The following TPD52 variants were observed in gnomAD, a reference collection of about 807,000 sequenced individuals.
The protein encoded by TPD52 is tumor protein D52, also known as prostate and colon associated protein.
Under a neutral mutation model 31.3 loss-of-function variants are expected in TPD52, and 17 were observed. The observed-to-expected ratio is 0.54, with a 90% confidence interval of 0.37 to 0.82. TPD52 has a LOEUF of 0.82. Ranked by LOEUF, TPD52 falls within the 40% of genes least tolerant of loss-of-function variation. The pLI is 0.00. For missense variants in TPD52, 212 were observed against 240.1 expected (o/e 0.88, Z 0.77); for synonymous variants, 83 against 89.6 (o/e 0.93, Z 0.42).
At chr8:80,138,612 A>G (rs1809605706) in intron 1 of TPD52, among the ~76,000 whole-genome samples, 1 of 152,214 alleles carries the variant, frequency 6.6e-6, no homozygotes, top group Non-Finnish European at 1.5e-5. Context: ...GAATCCAAAA[A>G]GGTAGCTGAA....
At chr8:80,051,458 C>A (rs1357718384) in intron 4 of TPD52, 69 bp downstream of exon 4, 4 of 1,457,850 alleles carry the variant, frequency 2.7e-6, no homozygotes, top group Non-Finnish European at 3.8e-6. Flanking sequence ...GGTCAGGAAA[C>A]AGATGCAACA....
At chr8:80,163,530 A>C (rs1765522181) in intron 1 of TPD52, among the ~76,000 whole-genome samples, 1 of 152,212 alleles carries the variant, frequency 6.6e-6, no homozygotes, top group South Asian at 2.1e-4. Flanking sequence ...AAAATGAAAA[A>C]GTTTCAGAGA....
rs138910578 is a variant in TPD52 at position 80,051,312 on chromosome 8, C to A, written c.386+215G>T. 1.5e-4 allele frequency: 83 copies of A among 554,576 alleles called. No homozygotes were observed. The African/African-American group carries it at 1.5e-3, about 10-fold the overall frequency. 34.4% of individuals were successfully genotyped at this position (554,576 alleles called of 1,614,324 possible). On this transcript the variant is annotated intron_variant, in intron 4 of 7. Transcript: ENST00000518937. ...GTTCACAACCAGAATTTTTCAACAACCTTAAATGATCATCAGATGATCATT... is the reference window on the plus strand; with the variant it reads ...GTTCACAACCAGAATTTTTCAACAAACTTAAATGATCATCAGATGATCATT...
chr8:80,130,381 G>C (rs764409376), intron 1 of TPD52, among the ~76,000 whole-genome samples: 1 of 152,114 alleles, frequency 6.6e-6, no homozygotes, highest in Non-Finnish European at 1.5e-5. Context: ...ATTGCTCTTA[G>C]GACCACGTTT....
chr8:80,040,185 CTTTTTTT>C (rs34611433), intron 7 of TPD52, among the ~76,000 whole-genome samples: 3 of 95,686 alleles, frequency 3.1e-5, no homozygotes, highest in Non-Finnish European at 6.1e-5. Context: ...ATACGCTATC[CTTTTTTT>C]TTTTTTTTTT....
intron 1 of TPD52, among the ~76,000 whole-genome samples, chr8:80,165,873 C>T (rs186131788): frequency 7.0e-4 from 91 of 130,266 alleles, no homozygotes; most frequent in Non-Finnish European, 1.2e-3. Context: ...CTAGGCCTCG[C>T]CAGAAACCCT....
chr8:80,061,696 T>A (rs556375579), intron 2 of TPD52, among the ~76,000 whole-genome samples: 24 of 152,208 alleles, frequency 1.6e-4, no homozygotes, highest in African/African-American at 2.6e-4. Context: ...AAAATTTTTT[T>A]AAATATATTT....
intron 1 of TPD52, among the ~76,000 whole-genome samples, chr8:80,120,724 G>C (rs1057390080): frequency 6.6e-6 from 1 of 152,110 alleles, no homozygotes; most frequent in Admixed American, 6.5e-5. Context: ...TTCACACTAA[G>C]AAGGCTTTCT....
chr8:80,129,675 G>A (rs529577734), intron 1 of TPD52, among the ~76,000 whole-genome samples: 11 of 150,492 alleles, frequency 7.3e-5, no homozygotes, highest in African/African-American at 2.0e-4. Flanking sequence ...ATCCTCCCCC[G>A]ACTTCTCTCA....
intron 1 of TPD52, among the ~76,000 whole-genome samples, chr8:80,169,013 C>G (rs1417868134): frequency 6.6e-6 from 1 of 152,200 alleles, no homozygotes; most frequent in Non-Finnish European, 1.5e-5. Flanking sequence ...GAGATAGAGT[C>G]TCGCTCTGTC....
intron 1 of TPD52, chr8:80,064,850 A>C (rs1812949815): frequency 3.2e-6 from 2 of 615,426 alleles, no homozygotes; most frequent in Non-Finnish European, 6.1e-6. Flanking sequence ...TCATAGTCTC[A>C]GTCACAATAT....
At chr8:80,058,433 T>C (rs1395809767) in intron 2 of TPD52, among the ~76,000 whole-genome samples, 7 of 152,242 alleles carry the variant, frequency 4.6e-5, no homozygotes, top group African/African-American at 7.2e-5. Flanking sequence ...AAGAGTATAT[T>C]GGCATAAAAA....
intron 1 of TPD52, among the ~76,000 whole-genome samples, chr8:80,149,290 G>A (rs533371497): frequency 7.2e-5 from 11 of 152,232 alleles, no homozygotes; most frequent in African/African-American, 7.2e-5. Context: ...ATAAAGGCCC[G>A]TTCCCCTGCA....
At chr8:80,125,563 TA>T (rs201640252) in intron 1 of TPD52, among the ~76,000 whole-genome samples, 63 of 146,930 alleles carry the variant, frequency 4.3e-4, no homozygotes, top group South Asian at 4.3e-4. Context: ...CCTTTTGATT[TA>T]AAAAAAAAAA....
chr8:80,119,665 T>C (rs867990294), intron 1 of TPD52: 3 of 158,588 alleles, frequency 1.9e-5, no homozygotes, highest in African/African-American at 7.2e-5. Flanking sequence ...TTTCACACCA[T>C]GTGAAAGAAA....
intron 1 of TPD52, among the ~76,000 whole-genome samples, chr8:80,153,359 G>A (rs1810716980): frequency 6.6e-6 from 1 of 152,160 alleles, no homozygotes; most frequent in African/African-American, 2.4e-5. Flanking sequence ...TGCCTTGGAA[G>A]GAAAAACTAT....
chr8:80,111,015 G>A (rs1807464114), intron 1 of TPD52, among the ~76,000 whole-genome samples: 1 of 152,112 alleles, frequency 6.6e-6, no homozygotes, highest in East Asian at 1.9e-4. Context: ...AGATTAGCCT[G>A]GGCAACATAG....
chr8:80,068,143 C>T (rs866462164), intron 1 of TPD52, among the ~76,000 whole-genome samples: 4 of 151,498 alleles, frequency 2.6e-5, no homozygotes, highest in South Asian at 2.1e-4. Flanking sequence ...TATCTACTGA[C>T]ATCTACTACA....
At chr8:80,083,840 T>C (rs574658868) in intron 1 of TPD52, among the ~76,000 whole-genome samples, 1 of 152,300 alleles carries the variant, frequency 6.6e-6, no homozygotes, top group South Asian at 2.1e-4. Flanking sequence ...ATAATTCCAC[T>C]TGGCTCTTCC....
Sources: allele counts gnomAD v4.1 joint callset (sites outside exome capture counted in the v4.1 genomes callset), GRCh38; gene constraint gnomAD v4.1.1; transcripts MANE v1.5; gene names NCBI Gene and HGNC (gene_info 2026-07-23, HGNC 2026-07-21).